TENM2: variants seen among roughly 807,000 people sequenced by gnomAD.
The protein encoded by TENM2 is teneurin-2.
TENM2 carries 52 observed loss-of-function variants against 245.2 expected under a neutral mutation model. That is an observed-to-expected ratio of 0.21 (90% CI 0.17 to 0.27). TENM2 has a LOEUF of 0.27. Among genes scored for constraint, TENM2 ranks in the 10% least tolerant of loss-of-function variants. TENM2 has a pLI of 1.00. For synonymous variants in TENM2, 1,363 were observed against 1,438.9 expected, an observed-to-expected ratio of 0.95 and a Z score of 1.19; for missense variants, 3,046 against 3,666.8, an observed-to-expected ratio of 0.83 and a Z score of 4.37.
At chr5:167,629,895 G>A (rs1186366882) in intron 2 of TENM2, among the ~76,000 whole-genome samples, 1 of 151,922 alleles carries the variant, frequency 6.6e-6, no homozygotes, top group Non-Finnish European at 1.5e-5. Flanking sequence ...GGAGGAGGAG[G>A]AGGGGGGAAA....
chr5:167,508,605 G>C (rs1451062086), intron 2 of TENM2, among the ~76,000 whole-genome samples: 1 of 152,150 alleles, frequency 6.6e-6, no homozygotes, highest in East Asian at 1.9e-4. Context: ...ATGCATGCAA[G>C]GTGGTGTATA....
chr5:167,573,480 C>T (rs974350406), intron 2 of TENM2, among the ~76,000 whole-genome samples: 1 of 151,808 alleles, frequency 6.6e-6, no homozygotes, highest in Admixed American at 6.6e-5. Context: ...GAAACCCGCT[C>T]TCTTTTCTTG....
chr5:167,915,099 G>A (rs1023999342), intron 3 of TENM2, among the ~76,000 whole-genome samples: 4 of 152,050 alleles, frequency 2.6e-5, no homozygotes, highest in Admixed American at 6.6e-5. Flanking sequence ...GACATCTTTA[G>A]GGGGCCATTA....
Position 167,870,710 on chromosome 5 carries a change from A to C in TENM2, c.503-5276A>C, listed in dbSNP as rs547872171. Among the ~76,000 whole-genome samples the C allele has an allele frequency of 1.1e-4, 17 of 149,454 alleles. No homozygotes were observed. The East Asian group carries it at 2.1e-3, about 19-fold the overall frequency. ...GTTCTTGAAATAAAGCAAGATCTAT[A>C]TATATATATATATATGTGTGATAAT... On this transcript the variant is annotated intron_variant, in intron 2 of 28. Transcript: ENST00000518659.
chr5:168,158,963 G>A (rs1374068578), intron 12 of TENM2, among the ~76,000 whole-genome samples: 2 of 146,584 alleles, frequency 1.4e-5, no homozygotes, highest in Non-Finnish European at 3.0e-5. Context: ...ATATGTACGT[G>A]TATACATATA....
At chr5:167,481,167 A>G (rs1320820978) in intron 2 of TENM2, among the ~76,000 whole-genome samples, 1 of 152,150 alleles carries the variant, frequency 6.6e-6, no homozygotes, top group Non-Finnish European at 1.5e-5. Context: ...ATATAATTAC[A>G]TCCAGGGCTA....
chr5:168,114,900 A>C (rs1794939267), intron 9 of TENM2, among the ~76,000 whole-genome samples: 1 of 152,230 alleles, frequency 6.6e-6, no homozygotes, highest in Admixed American at 6.5e-5. Flanking sequence ...TGATTTCCCA[A>C]GCACCTGGTT....
chr5:168,197,286 A>G (rs1032403227), intron 15 of TENM2, among the ~76,000 whole-genome samples: 1 of 152,208 alleles, frequency 6.6e-6, no homozygotes, highest in South Asian at 2.1e-4. Context: ...TGTGTTACTA[A>G]GATTGGATGA....
the TENM2 span, among the ~76,000 whole-genome samples, chr5:167,026,463 A>G: frequency 6.6e-6 from 1 of 152,106 alleles, no homozygotes; most frequent in Non-Finnish European, 1.5e-5. Flanking sequence ...TCTGAAGCTG[A>G]ATGTCAGTTG....
At chr5:168,172,647 A>G (rs536490312) in intron 13 of TENM2, among the ~76,000 whole-genome samples, 2 of 152,064 alleles carry the variant, frequency 1.3e-5, no homozygotes, top group African/African-American at 4.8e-5. Context: ...TGCTTGAACA[A>G]CCTCCGCCCC....
chr5:167,757,953 C>T (rs1762416283), intron 2 of TENM2, among the ~76,000 whole-genome samples: 1 of 152,110 alleles, frequency 6.6e-6, no homozygotes, highest in South Asian at 2.1e-4. Flanking sequence ...TCAAGTATGC[C>T]TTGGTTACCC....
chr5:167,952,290 T>C (rs988410068), intron 3 of TENM2: 15 of 498,294 alleles, frequency 3.0e-5, no homozygotes, highest in African/African-American at 2.1e-4. Context: ...GTTACTTTCA[T>C]TGCAGTATTA....
At chr5:167,987,819 A>T (rs1401466869) in intron 4 of TENM2, among the ~76,000 whole-genome samples, 1 of 152,216 alleles carries the variant, frequency 6.6e-6, no homozygotes, top group Non-Finnish European at 1.5e-5. Context: ...GATCACTTCT[A>T]TCGAATCTTT....
chr5:167,210,314 C>T, the TENM2 span, among the ~76,000 whole-genome samples: 3 of 152,132 alleles, frequency 2.0e-5, no homozygotes, highest in Non-Finnish European at 2.9e-5. Context: ...TGAATGCATG[C>T]GTGAAGAAAG....
intron 1 of TENM2, among the ~76,000 whole-genome samples, chr5:167,353,912 T>C (rs1759141678): frequency 6.6e-6 from 1 of 152,216 alleles, no homozygotes; most frequent in Non-Finnish European, 1.5e-5. Flanking sequence ...ATGAAATCTG[T>C]TTTATAATTT....
intron 2 of TENM2, among the ~76,000 whole-genome samples, chr5:167,386,597 A>G (rs1561914461): frequency 6.6e-6 from 1 of 152,082 alleles, no homozygotes; most frequent in African/African-American, 2.4e-5. Context: ...GCTTCAGCCA[A>G]TGACTAGGAT....
Position 168,260,615 on chromosome 5 carries a change from C to T in TENM2, c.7563+202C>T, listed in dbSNP as rs1270947517. Reference sequence around the variant, plus strand: ...CACAGCACATATTTCTTCCCAACTTCGATTATTGCCTTAATTGTGGTATCA... The same window carrying T: ...CACAGCACATATTTCTTCCCAACTTTGATTATTGCCTTAATTGTGGTATCA... On this transcript the variant is annotated intron_variant, in intron 28 of 28. Coordinates refer to ENST00000518659, the Ensembl canonical transcript of TENM2. Among the ~76,000 whole-genome samples, 4 of 152,146 alleles carry T rather than the reference C, an allele frequency of 2.6e-5. No individual in the cohort carries two copies. The South Asian group carries it at 6.2e-4, about 24-fold the overall frequency.
chr5:167,854,682 G>C (rs1053385932), intron 2 of TENM2, among the ~76,000 whole-genome samples: 1 of 152,076 alleles, frequency 6.6e-6, no homozygotes, highest in Non-Finnish European at 1.5e-5. Context: ...CAGTTATGTC[G>C]TATATCTTAT....
chr5:167,871,668 A>C (rs1420719819), intron 2 of TENM2, among the ~76,000 whole-genome samples: 1 of 152,210 alleles, frequency 6.6e-6, no homozygotes, highest in Non-Finnish European at 1.5e-5. Flanking sequence ...GTTTTTTAAC[A>C]GATCAGTTGA....
Sources: allele counts gnomAD v4.1 joint callset (sites outside exome capture counted in the v4.1 genomes callset), GRCh38; gene constraint gnomAD v4.1.1; transcripts MANE v1.5; gene names NCBI Gene and HGNC (gene_info 2026-07-23, HGNC 2026-07-21).